Variants in CST7 observed in about 807,000 individuals in gnomAD.
CST7 encodes cystatin F.
In CST7, 15 loss-of-function variants were observed where a neutral mutation model predicts 13.1. That is an observed-to-expected ratio of 1.14 (90% CI 0.77 to 1.76). The LOEUF (loss-of-function observed/expected upper bound fraction) is 1.76, where lower values mean the gene tolerates loss of function less well. Ranked by LOEUF, CST7 falls within the 40% of genes most tolerant of loss-of-function variation. The pLI, the probability that CST7 is intolerant of heterozygous loss-of-function variation, is 0.00. For missense variants in CST7, 193 were observed against 178.8 expected (o/e 1.08, Z -0.45); for synonymous variants, 75 against 66.9 (o/e 1.12, Z -0.59).
rs771107712 is a variant in CST7, at chr20:24,958,931, G to C, written c.247G>C (p.Val83Leu). 2 of 1,612,466 alleles carry C rather than the reference G, an allele frequency of 1.2e-6. No individual in the cohort carries two copies. Among genetic ancestry groups the C allele is most frequent in the Non-Finnish European group, 1.7e-6 (2 of 1,178,528 alleles). Reference protein sequence around the residue: ...SRITRALVQIVKGLKYMLEVE... With the variant: ...SRITRALVQILKGLKYMLEVE... Reference sequence around the variant, plus strand: ...CCAGTCCCTTTGCTCCCTCCAGATAGTGAAAGGCCTGAAATATATGCTGGA... The same window carrying C: ...CCAGTCCCTTTGCTCCCTCCAGATACTGAAAGGCCTGAAATATATGCTGGA... The change falls in exon 3 of 4, where the codon GTG becomes CTG. Residue 83 changes from valine (V) to leucine (L), a missense_variant. Val to Leu is a conservative substitution (Grantham distance 32). Coordinates refer to ENST00000480798, the MANE Select transcript of CST7 (RefSeq NM_003650.4).
intron 1 of CST7, among the ~76,000 whole-genome samples, chr20:24,955,134 G>C (rs1275056679): frequency 6.6e-6 from 1 of 151,938 alleles, no homozygotes; most frequent in South Asian, 2.1e-4. Context: ...TTTCTCTGCT[G>C]TTCAGATGAC....
At position 24,956,798 on chromosome 20, in the gene CST7, G is replaced by A. The variant is rs568718262; in HGVS notation, c.71-489G>A. On this transcript the variant is annotated intron_variant, in intron 1 of 3. Coordinates refer to ENST00000480798, the MANE Select transcript of CST7 (RefSeq NM_003650.4). Reference sequence around the variant, plus strand: ...TCTACCGCCCAGAGGGCCAGGCTGGGGTTGACTTTCCCTACATCCTAAGGC... The same window carrying A: ...TCTACCGCCCAGAGGGCCAGGCTGGAGTTGACTTTCCCTACATCCTAAGGC... Among the ~76,000 whole-genome samples, 126 of 151,078 alleles carry A rather than the reference G, an allele frequency of 8.3e-4. 1 individual carries two copies. The highest frequency in any genetic ancestry group is 2.8e-3 in the African/African-American group (117 of 41,244).
intron 1 of CST7, among the ~76,000 whole-genome samples, chr20:24,955,151 G>A (rs1231755781): frequency 6.6e-6 from 1 of 152,052 alleles, no homozygotes; most frequent in African/African-American, 2.4e-5. Flanking sequence ...TGACAGTGAT[G>A]AGCTGAAACC....
At chr20:24,957,191 G>C (rs1198046126) in intron 1 of CST7, 96 bp from the exon 2 acceptor site, 1 of 1,285,172 alleles carries the variant, frequency 7.8e-7, no homozygotes, top group Admixed American at 2.1e-5. Context: ...ACACACGCCA[G>C]CAGAGAACTG....
Position 24,957,421 on chromosome 20 carries a change from T to C in CST7, c.205T>C (p.Leu69=). The change falls in exon 2 of 4, where the codon TTG becomes CTG. Residue 69 remains leucine, a synonymous_variant. Transcript: ENST00000480798. ...CAACAACTGCACGAACGACATGTTC[T>C]TGTTCAAGGAGTCCCGCATCACAAG... ...KFNNCTNDMF[L]FKESRITRAL... The C allele has an allele frequency of 6.2e-7, 1 of 1,613,768 alleles. No individual in the cohort carries two copies. Among genetic ancestry groups the C allele is most frequent in the Non-Finnish European group, 8.5e-7 (1 of 1,179,786 alleles).
chr20:24,950,586 C>T (rs557500403), intron 1 of CST7, among the ~76,000 whole-genome samples: 220 of 152,330 alleles, frequency 1.4e-3, no homozygotes, highest in Non-Finnish European at 2.6e-3. Flanking sequence ...GCAGCTTCTG[C>T]TCTCACTGAT....
chr20:24,950,066 G>A (rs1324576577), intron 1 of CST7, among the ~76,000 whole-genome samples: 1 of 152,198 alleles, frequency 6.6e-6, no homozygotes. Flanking sequence ...TCAGGGGGAG[G>A]GGGGACAGGG....
chr20:24,958,716 A>G (rs1055954339), intron 2 of CST7, among the ~76,000 whole-genome samples: 5 of 152,122 alleles, frequency 3.3e-5, no homozygotes, highest in Non-Finnish European at 5.9e-5. Context: ...CATCTGTCTC[A>G]GGAAGGGGCA....
At chr20:24,955,346 T>C (rs1195355873) in intron 1 of CST7, among the ~76,000 whole-genome samples, 2 of 151,902 alleles carry the variant, frequency 1.3e-5, no homozygotes, top group Non-Finnish European at 2.9e-5. Context: ...CCTGAGAGCC[T>C]GGGGAAATGC....
intron 1 of CST7, among the ~76,000 whole-genome samples, chr20:24,953,921 C>T (rs909933235): frequency 6.6e-6 from 1 of 152,210 alleles, no homozygotes. Context: ...CTGCACCCAG[C>T]AGCAGCCTCC....
intron 1 of CST7, 120 bp from the exon 2 acceptor site, chr20:24,957,167 G>A: frequency 9.6e-7 from 1 of 1,040,770 alleles, no homozygotes; most frequent in Non-Finnish European, 1.4e-6. Flanking sequence ...GTGAGGGGTG[G>A]GTAGGGCCAG....
chr20:24,951,909 G>A (rs2122443601), intron 1 of CST7, among the ~76,000 whole-genome samples: 1 of 152,338 alleles, frequency 6.6e-6, no homozygotes, highest in African/African-American at 2.4e-5. Context: ...CACTCTAGCT[G>A]CAACGGCCCA....
chr20:24,957,154 C>G (rs140113054), intron 1 of CST7, 133 bp from the exon 2 acceptor site: 1 of 518,860 alleles, frequency 1.9e-6, no homozygotes, highest in Non-Finnish European at 2.7e-6. Context: ...AGAGGGGGAG[C>G]AGGTGAGGGG....
At chr20:24,955,250 C>G (rs1021618011) in intron 1 of CST7, among the ~76,000 whole-genome samples, 6 of 152,138 alleles carry the variant, frequency 3.9e-5, no homozygotes, top group Non-Finnish European at 7.4e-5. Flanking sequence ...GAAGGAGCTG[C>G]CTTTGGCTCT....
chr20:24,959,575 G>A (rs897173361), intron 3 of CST7, 60 bp from the exon 4 acceptor site: 6 of 1,529,076 alleles, frequency 3.9e-6, no homozygotes, highest in South Asian at 1.1e-5. Context: ...ACCCCTCCAC[G>A]GGCAGAGGGC....
chr20:24,949,457 A>G lies in CST7; in HGVS notation c.-49A>G. The G allele has an allele frequency of 6.2e-7, 1 of 1,613,688 alleles. No individual in the cohort carries two copies. Among genetic ancestry groups the G allele is most frequent in the Non-Finnish European group, 8.5e-7 (1 of 1,179,874 alleles). On this transcript the variant is annotated 5_prime_UTR_variant, in exon 1 of 4. Transcript: ENST00000480798. ...ACTGCCCCATGCTGCCTGAGAAGGC[A>G]CTGCACGGCCACCCCCAACTGCCCC...
At chr20:24,957,511 C>G in intron 2 of CST7, 52 bp downstream of exon 2, 2 of 1,564,466 alleles carry the variant, frequency 1.3e-6, no homozygotes, top group Non-Finnish European at 1.7e-6. Flanking sequence ...GGAAGCCGAG[C>G]TGCTACAACG....
chr20:24,952,832 C>T (rs190123338), intron 1 of CST7, among the ~76,000 whole-genome samples: 287 of 152,358 alleles, frequency 1.9e-3, no homozygotes, highest in Non-Finnish European at 3.6e-3. Context: ...CCCAACCTCC[C>T]GGCCACACCT....
chr20:24,953,762 G>T (rs2087835550), intron 1 of CST7, among the ~76,000 whole-genome samples: 1 of 152,202 alleles, frequency 6.6e-6, no homozygotes, highest in African/African-American at 2.4e-5. Context: ...CACATGGCAG[G>T]TCCCCCATTC....
Sources: allele counts gnomAD v4.1 joint callset (sites outside exome capture counted in the v4.1 genomes callset), GRCh38; gene constraint gnomAD v4.1.1; transcripts MANE v1.5; gene names NCBI Gene and HGNC (gene_info 2026-07-23, HGNC 2026-07-21).